ABCC4: variants seen among roughly 807,000 people sequenced by gnomAD.
ABCC4 encodes ATP-binding cassette sub-family C member 4.
In ABCC4, 102 loss-of-function variants were observed where a neutral mutation model predicts 168.5. The observed-to-expected ratio is 0.61, with a 90% confidence interval of 0.52 to 0.71. The LOEUF (loss-of-function observed/expected upper bound fraction) is 0.71. Among genes scored for constraint, ABCC4 ranks in the 30% least tolerant of loss-of-function variants. ABCC4 has a pLI of 0.00. For synonymous variants in ABCC4, 617 were observed against 590.7 expected, an observed-to-expected ratio of 1.04 and a Z score of -0.65; for missense variants, 1,402 against 1,605.8, an observed-to-expected ratio of 0.87 and a Z score of 2.17.
chr13:95,167,327 A>C (rs1230822692), intron 14 of ABCC4, among the ~76,000 whole-genome samples: 1 of 152,210 alleles, frequency 6.6e-6, no homozygotes, highest in Non-Finnish European at 1.5e-5. Context: ...TAATGTACAA[A>C]TATCTTTACT....
chr13:95,124,363 G>A (rs1204830974), intron 19 of ABCC4, among the ~76,000 whole-genome samples: 1 of 151,836 alleles, frequency 6.6e-6, no homozygotes, highest in Non-Finnish European at 1.5e-5. Flanking sequence ...TTTTCCTGAG[G>A]GTCATCTTGG....
intron 1 of ABCC4, among the ~76,000 whole-genome samples, chr13:95,258,001 C>A (rs1051611291): frequency 1.3e-5 from 2 of 152,204 alleles, no homozygotes; most frequent in African/African-American, 4.8e-5. Flanking sequence ...CCCACACATG[C>A]CTGCAGGAGC....
intron 1 of ABCC4, among the ~76,000 whole-genome samples, chr13:95,265,359 C>T (rs1235123540): frequency 2.0e-5 from 3 of 151,572 alleles, no homozygotes; most frequent in Non-Finnish European, 4.4e-5. Context: ...AAAGACACTA[C>T]CAGATGTTAA....
rs375519291 is a variant in ABCC4 at position 95,075,548 on chromosome 13, C to T, written c.2690G>A (p.Arg897Gln). 25 of 1,613,826 alleles carry T rather than the reference C, an allele frequency of 1.5e-5. No homozygotes were observed. In the East Asian group the frequency reaches 1.8e-4, roughly 12 times the overall value. The part of the protein sequence containing the change: ...RDVKRLESTT[R>Q]SPVFSHLSSS... ...TGATAAGTGGGAAAACACTGGACTC[C>T]GAGCTGGGGAAACAGACAGAGAAAA... is the stretch of plus-strand genomic sequence containing the variant. The change falls in exon 22 of 31, where the codon CGG becomes CAG. Residue 897 changes from arginine (R) to glutamine (Q), a missense_variant. This residue lies in a region of ABCC4 where 1,007 missense variants were observed against 1,127.3 expected (regional missense o/e 0.89). Transcript: ENST00000645237.
Position 95,198,546 on chromosome 13 carries a change from G to A in ABCC4, c.1162-3609C>T, listed in dbSNP as rs181415433. Among the ~76,000 whole-genome samples the A allele has an allele frequency of 4.6e-5, 7 of 152,282 alleles. No homozygotes were observed. The East Asian group carries it at 9.7e-4, about 21-fold the overall frequency. Reference sequence around the variant, plus strand: ...TAGTTCAACCACTGTGAAAGACAACGTGGCAATTCCTCAAGGAACTAGAAC... The same window carrying A: ...TAGTTCAACCACTGTGAAAGACAACATGGCAATTCCTCAAGGAACTAGAAC... On this transcript the variant is annotated intron_variant, in intron 8 of 30. Coordinates refer to ENST00000645237, the MANE Select transcript of ABCC4 (RefSeq NM_005845.5).
At chr13:95,164,222 G>A (rs562557288) in intron 16 of ABCC4, among the ~76,000 whole-genome samples, 156 bp downstream of exon 16, 11 of 152,074 alleles carry the variant, frequency 7.2e-5, no homozygotes, top group East Asian at 5.8e-4. Context: ...TCTTTGTAAC[G>A]GACATGGAAC....
intron 26 of ABCC4, among the ~76,000 whole-genome samples, chr13:95,056,175 G>A (rs1302174371): frequency 6.6e-6 from 1 of 152,100 alleles, no homozygotes; most frequent in Admixed American, 6.6e-5. Context: ...CCCTAATCTT[G>A]TCCCAAACCA....
intron 8 of ABCC4, among the ~76,000 whole-genome samples, chr13:95,200,268 A>G (rs1366040692): frequency 2.0e-5 from 3 of 152,200 alleles, no homozygotes; most frequent in Non-Finnish European, 4.4e-5. Context: ...AGACCAAAAC[A>G]GGTGTCTGCG....
intron 3 of ABCC4, among the ~76,000 whole-genome samples, chr13:95,235,408 A>G (rs1023866410): frequency 1.3e-5 from 2 of 152,172 alleles, no homozygotes; most frequent in Non-Finnish European, 2.9e-5. Context: ...ACACTTGGCA[A>G]ACTACCAAAT....
chr13:95,234,129 T>C (rs2039696873), intron 4 of ABCC4, among the ~76,000 whole-genome samples: 1 of 152,234 alleles, frequency 6.6e-6, no homozygotes, highest in Admixed American at 6.5e-5. Flanking sequence ...TAGATTTAAT[T>C]TCATAGATCC....
chr13:95,096,735 T>TG (rs1191482023), intron 20 of ABCC4, among the ~76,000 whole-genome samples: 2 of 151,994 alleles, frequency 1.3e-5, no homozygotes, highest in African/African-American at 4.8e-5. Context: ...AAAACAAAGT[T>TG]GAAATAAAGA....
intron 27 of ABCC4, 52 bp downstream of exon 27, chr13:95,053,043 T>C (rs954037817): frequency 2.7e-6 from 4 of 1,472,238 alleles, no homozygotes; most frequent in East Asian, 2.3e-5. Flanking sequence ...TAAAGGTACA[T>C]ATACACATAC....
intron 3 of ABCC4, among the ~76,000 whole-genome samples, chr13:95,240,432 G>A (rs1308113846): frequency 6.6e-6 from 1 of 152,078 alleles, no homozygotes; most frequent in Admixed American, 6.6e-5. Context: ...TCAGGAGGCT[G>A]AGGCAGGAGA....
At chr13:95,200,713 C>T (rs942672266) in intron 8 of ABCC4, among the ~76,000 whole-genome samples, 1 of 151,982 alleles carries the variant, frequency 6.6e-6, no homozygotes, top group African/African-American at 2.4e-5. Context: ...GAGCGAGACG[C>T]CGTCTCAAAA....
intron 24 of ABCC4, 97 bp from the exon 25 acceptor site, chr13:95,071,950 T>C: frequency 9.8e-7 from 1 of 1,016,406 alleles, no homozygotes; most frequent in Non-Finnish European, 1.3e-6. Context: ...TCATACATAG[T>C]TGGTTAAGGA....
At chr13:95,024,835 T>C (rs2031309569) in intron 30 of ABCC4, among the ~76,000 whole-genome samples, 1 of 152,068 alleles carries the variant, frequency 6.6e-6, no homozygotes, top group Admixed American at 6.5e-5. Context: ...ACTCTGAACA[T>C]CAAAGATATT....
rs148634772 is a variant in ABCC4, at chr13:95,108,709, T to C, written c.2535+7213A>G. 1.4e-3 allele frequency among the ~76,000 whole-genome samples: 217 copies of C among 152,016 alleles called. 1 individual carries two copies. The highest frequency in any genetic ancestry group is 2.8e-3 in the Non-Finnish European group (189 of 67,952). ...CAGGCTGGAGTGCAGTGGTGCAATT[T>C]TGGCTCACTACAACCCAAGTTCAAG... On this transcript the variant is annotated intron_variant, in intron 20 of 30. Transcript: ENST00000645237.
rs201961343 is a variant in ABCC4 at position 95,274,914 on chromosome 13, T to TA, written c.74+26326dup. 7.5e-3 allele frequency among the ~76,000 whole-genome samples: 1,142 copies of TA among 152,130 alleles called. 17 individuals carry two copies. The highest frequency in any genetic ancestry group is 0.026 in the African/African-American group (1,076 of 41,502). On this transcript the variant is annotated intron_variant, in intron 1 of 30. Coordinates refer to ENST00000645237, the MANE Select transcript of ABCC4 (RefSeq NM_005845.5). Reference sequence around the variant, plus strand: ...CAACATGGTACAACCCTGTCTCTACTAAAAACACAAAAATTAGCCAGGTGT... The same window carrying TA: ...CAACATGGTACAACCCTGTCTCTACTAAAAAACACAAAAATTAGCCAGGTGT...
Position 95,177,725 on chromosome 13 carries a change from C to A in ABCC4, c.1709G>T (p.Ser570Ile), listed in dbSNP as rs775468503. 18 of 1,610,368 alleles carry A rather than the reference C, an allele frequency of 1.1e-5. No individual in the cohort carries two copies. The highest frequency in any genetic ancestry group is 2.2e-5 in the East Asian group (1 of 44,774). Reference protein sequence around the residue: ...DPLSAVDAEVSRHLFELCICQ... With the variant: ...DPLSAVDAEVIRHLFELCICQ... ...CACTCACAGTTCGAACAAGTGTCTG[C>A]TAACTTCCGCATCTACTGCACTGAG... is the stretch of plus-strand genomic sequence containing the variant. Residue 570 changes from serine to isoleucine, a missense_variant, in exon 13 of 31, where the codon AGC (serine) becomes ATC (isoleucine). Around this residue, in one of 3 missense-constraint regions of ABCC4, gnomAD observed 1,007 missense variants for 1,127.3 expected, o/e 0.89. Coordinates refer to ENST00000645237, the MANE Select transcript of ABCC4 (RefSeq NM_005845.5).
Sources: gnomAD v4.1 joint callset for allele counts (sites outside exome capture counted in the v4.1 genomes callset) on GRCh38, gnomAD v4.1.1 for gene constraint, gnomAD v4.1.1 regional missense constraint, MANE v1.5 for transcripts, NCBI Gene and HGNC (gene_info 2026-07-23, HGNC 2026-07-21) for gene names.